STAG2: variants seen among roughly 807,000 people sequenced by gnomAD.
STAG2 encodes cohesin subunit SA-2.
A neutral mutation model predicts 108.1 loss-of-function variants in STAG2; 14 were observed. The observed-to-expected ratio is 0.13, with a 90% CI of 0.09 to 0.20. The LOEUF (loss-of-function observed/expected upper bound fraction) is 0.20. Ranked by LOEUF, STAG2 falls within the 10% of genes least tolerant of loss-of-function variation. STAG2 has a pLI of 1.00. For missense variants in STAG2, 440 were observed against 940.9 expected, an observed-to-expected ratio of 0.47 and a Z score of 6.96; for synonymous variants, 307 against 302.7, an observed-to-expected ratio of 1.01 and a Z score of -0.15.
Position 124,068,611 on chromosome X carries a change from A to T in STAG2, c.2313A>T (p.Ile771=). The change falls in exon 24 of 35, where the codon ATA becomes ATT. Residue 771 remains isoleucine, a synonymous_variant. Coordinates refer to ENST00000371145, the MANE Select transcript of STAG2 (RefSeq NM_001042750.2). The part of the protein sequence containing the change: ...LKKQMRVFCQ[I]CQHYLTNVNT... ...AACAAATGAGAGTATTTTGTCAGAT[A>T]TGTCAACATTACCTGACCAACGTGA... 8.4e-7 allele frequency: 1 copy of T among 1,196,580 alleles called. No homozygotes were observed. Among genetic ancestry groups the T allele is most frequent in the Non-Finnish European group, 1.1e-6 (1 of 890,299 alleles).
chrX:124,095,241 A>G (rs1225151156), intron 33 of STAG2, 131 bp from the exon 34 acceptor site: 5 of 542,139 alleles, frequency 9.2e-6, no homozygotes, highest in Non-Finnish European at 1.5e-5. Context: ...ATTTTCCATG[A>G]GTTTTTAAAA....
At position 124,077,939 on chromosome X, in the gene STAG2, G is replaced by A; in HGVS notation, c.2674-18G>A. On this transcript the variant is annotated intron_variant, in intron 26 of 34. Coordinates refer to ENST00000371145, the MANE Select transcript of STAG2 (RefSeq NM_001042750.2). ...GTTTTAAGAGATAAAGCTCTAATTTGTACAAATTTCTTTATAGTATTATAA... is the reference window on the plus strand; with the variant it reads ...GTTTTAAGAGATAAAGCTCTAATTTATACAAATTTCTTTATAGTATTATAA... 8.6e-6 allele frequency: 9 copies of A among 1,047,655 alleles called. No homozygotes were observed. Among genetic ancestry groups the A allele is most frequent in the African/African-American group, 1.9e-5 (1 of 51,684 alleles). 86.3% of individuals were successfully genotyped at this position (1,047,655 alleles called of 1,213,427 possible).
intron 13 of STAG2, among the ~76,000 whole-genome samples, chrX:124,053,371 T>C (rs143670904): frequency 0.015 from 1,687 of 111,797 alleles, 34 homozygotes; most frequent in African/African-American, 0.052. Flanking sequence ...TTGGAAAGCT[T>C]ACCTAGGAAA....
chrX:123,969,790 C>T (rs903452977), intron 1 of STAG2, among the ~76,000 whole-genome samples: 6 of 108,767 alleles, frequency 5.5e-5, no homozygotes, highest in African/African-American at 1.0e-4. Context: ...GGACTACAGG[C>T]GCGTACCACC....
intron 14 of STAG2, among the ~76,000 whole-genome samples, chrX:124,056,601 C>T (rs539829662): frequency 2.7e-4 from 29 of 107,444 alleles, no homozygotes; most frequent in Non-Finnish European, 3.5e-4. Context: ...GGCCTGGTGG[C>T]GGGCGCCTGT....
chrX:124,081,543 T>C lies in STAG2; in HGVS notation c.2924+15T>C, dbSNP rs765171747. On this transcript the variant is annotated intron_variant, in intron 28 of 34. Transcript: ENST00000371145. ...ATGCTACACAAGTAATCTCCAGATA[T>C]TTTATTCAGCTCTCATATTTTTTAG... 3.5e-6 allele frequency: 4 copies of C among 1,134,736 alleles called. No homozygotes were observed. In the South Asian group the frequency reaches 6.5e-5, roughly 19 times the overall value. 93.5% of individuals were successfully genotyped at this position (1,134,736 alleles called of 1,213,427 possible).
intron 33 of STAG2, 92 bp from the exon 34 acceptor site, chrX:124,095,280 T>C (rs2059350944): frequency 1.3e-5 from 9 of 715,878 alleles, no homozygotes; most frequent in Non-Finnish European, 2.0e-5. Context: ...TGGAATCACA[T>C]AGACCATGTG....
chrX:123,994,368 C>T (rs1207913637), intron 1 of STAG2, among the ~76,000 whole-genome samples: 1 of 111,434 alleles, frequency 9.0e-6, no homozygotes. Flanking sequence ...GTAGGCTTTA[C>T]CTCCCAACAC....
At chrX:124,031,606 C>T (rs779251857) in intron 5 of STAG2, among the ~76,000 whole-genome samples, 2 of 107,625 alleles carry the variant, frequency 1.9e-5, no homozygotes, top group East Asian at 2.9e-4. Context: ...TCAGTGGAGA[C>T]GGGGTTTCAC....
intron 15 of STAG2, among the ~76,000 whole-genome samples, chrX:124,060,926 AC>A (rs202003923): frequency 9.3e-6 from 1 of 107,482 alleles, no homozygotes; most frequent in Non-Finnish European, 1.9e-5. Flanking sequence ...CATCTCCGCC[AC>A]CCCCCCAAAT....
chrX:124,018,721 G>A (rs180885721), intron 1 of STAG2, among the ~76,000 whole-genome samples: 13 of 110,662 alleles, frequency 1.2e-4, no homozygotes, highest in East Asian at 1.1e-3. Context: ...GGCTGGTCTC[G>A]AACTCCTGGG....
At chrX:124,043,726 GT>G (rs1385351324) in intron 7 of STAG2, among the ~76,000 whole-genome samples, 1 of 111,437 alleles carries the variant, frequency 9.0e-6, no homozygotes, top group Non-Finnish European at 1.9e-5. Flanking sequence ...TACTTTTATT[GT>G]TTAAAAACTC....
chrX:123,975,389 G>A (rs1051029686), intron 1 of STAG2, among the ~76,000 whole-genome samples: 1 of 112,308 alleles, frequency 8.9e-6, no homozygotes, highest in South Asian at 3.6e-4. Context: ...ATGGTTGGCA[G>A]AGAAGCAGAA....
At chrX:123,985,133 C>T (rs1194431208) in intron 1 of STAG2, among the ~76,000 whole-genome samples, 2 of 111,257 alleles carry the variant, frequency 1.8e-5, no homozygotes, top group Non-Finnish European at 3.8e-5. Flanking sequence ...CAGTCTGAAG[C>T]TCATTAAATA....
At chrX:124,086,856 A>G in intron 30 of STAG2, 86 bp downstream of exon 30, 3 of 750,055 alleles carry the variant, frequency 4.0e-6, no homozygotes, top group Non-Finnish European at 5.6e-6. Flanking sequence ...TTTTTATTTG[A>G]GATGTGTTCA....
intron 1 of STAG2, among the ~76,000 whole-genome samples, chrX:123,982,619 T>C (rs904762200): frequency 1.8e-5 from 2 of 111,105 alleles, no homozygotes; most frequent in Non-Finnish European, 3.8e-5. Context: ...ACTCCTGACC[T>C]CAAGTGATCC....
At chrX:124,062,214 T>G (rs1225372041) in intron 17 of STAG2, among the ~76,000 whole-genome samples, 1 of 111,881 alleles carries the variant, frequency 8.9e-6, no homozygotes, top group Non-Finnish European at 1.9e-5. Flanking sequence ...ATGGAGATAA[T>G]TTTTTATTAA....
At position 124,064,026 on chromosome X, in the gene STAG2, G is replaced by A. The variant is rs369728409; in HGVS notation, c.2000G>A (p.Arg667Gln). ...LIDELADKFNRLLEDFLQEGE... is the reference protein window; with the variant it reads ...LIDELADKFNQLLEDFLQEGE... ...GATGAATTGGCAGATAAATTTAACC[G>A]GCTTCTTGAAGATTTTCTGCAAGAG... Residue 667 changes from arginine to glutamine, a missense_variant, in exon 20 of 35, where the codon CGG becomes CAG. Arg to Gln is a conservative substitution (Grantham distance 43, BLOSUM62 1). Transcript: ENST00000371145. The A allele has an allele frequency of 5.8e-5, 70 of 1,206,322 alleles. No homozygotes were observed. Among genetic ancestry groups the A allele is most frequent in the East Asian group, 8.9e-5 (3 of 33,705 alleles).
At chrX:123,986,545 GCA>G (rs1331262123) in intron 1 of STAG2, among the ~76,000 whole-genome samples, 1 of 111,780 alleles carries the variant, frequency 8.9e-6, no homozygotes, top group Non-Finnish European at 1.9e-5. Flanking sequence ...AGATTTAAGA[GCA>G]CCTATGACAC....
Sources: allele counts gnomAD v4.1 joint callset (sites outside exome capture counted in the v4.1 genomes callset), GRCh38; gene constraint gnomAD v4.1.1; transcripts MANE v1.5; gene names NCBI Gene and HGNC (gene_info 2026-07-23, HGNC 2026-07-21).